Variants in SP140 observed in about 807,000 individuals in gnomAD.
SP140 encodes the protein SP140 nuclear body protein.
Under a neutral mutation model 125.0 loss-of-function variants are expected in SP140, and 81 were observed. The observed-to-expected ratio is 0.65, with a 90% CI of 0.54 to 0.78. The LOEUF (loss-of-function observed/expected upper bound fraction) is 0.78. Among genes scored for constraint, SP140 ranks in the 30% least tolerant of loss-of-function variants. The pLI is 0.00. For missense variants in SP140, 858 were observed against 1,037.0 expected (o/e 0.83, Z 2.37); for synonymous variants, 312 against 354.0 (o/e 0.88, Z 1.33).
chr2:230,254,759 A>C (rs1424282411), intron 11 of SP140, among the ~76,000 whole-genome samples: 1 of 152,232 alleles, frequency 6.6e-6, no homozygotes, highest in African/African-American at 2.4e-5. Flanking sequence ...GGATTAGAAG[A>C]GTTATCCTTC....
At chr2:230,267,248 C>A (rs573633090) in intron 12 of SP140, among the ~76,000 whole-genome samples, 1 of 152,256 alleles carries the variant, frequency 6.6e-6, no homozygotes, top group South Asian at 2.1e-4. Context: ...TTGTTTATTG[C>A]TTGCAGACCT....
chr2:230,210,400 G>A (rs562796573), intron 1 of SP140, among the ~76,000 whole-genome samples: 37 of 152,300 alleles, frequency 2.4e-4, no homozygotes, highest in African/African-American at 7.9e-4. Flanking sequence ...AGCTGAGAGC[G>A]GAAAGTGGTG....
At chr2:230,284,033 C>G (rs1409531596) in intron 15 of SP140, among the ~76,000 whole-genome samples, 1 of 152,134 alleles carries the variant, frequency 6.6e-6, no homozygotes, top group African/African-American at 2.4e-5. Context: ...ACAACAAACA[C>G]TTGAAAAAGC....
chr2:230,250,084 A>G (rs56334214), intron 9 of SP140, among the ~76,000 whole-genome samples: 17,908 of 151,958 alleles, frequency 0.12, 1,273 homozygotes, highest in South Asian at 0.2. Flanking sequence ...GGAAACCAAC[A>G]CCTCCTCCGA....
chr2:230,250,482 C>T (rs1000472335), intron 9 of SP140, among the ~76,000 whole-genome samples: 1 of 152,154 alleles, frequency 6.6e-6, no homozygotes. Context: ...GCCCACTCTT[C>T]TCCTGATCCC....
At chr2:230,265,257 C>T (rs2149321223) in intron 12 of SP140, among the ~76,000 whole-genome samples, 1 of 152,166 alleles carries the variant, frequency 6.6e-6, no homozygotes, top group East Asian at 1.9e-4. Context: ...GGAAAGCTGG[C>T]AGTCACAGGT....
Position 230,283,602 on chromosome 2 carries a change from G to A in SP140, c.1499-744G>A, listed in dbSNP as rs916802766. Among the ~76,000 whole-genome samples, 3 of 152,324 alleles carry A rather than the reference G, an allele frequency of 2.0e-5. No individual in the cohort carries two copies. In the South Asian group the frequency reaches 6.2e-4, roughly 32 times the overall value. On this transcript the variant is annotated intron_variant, in intron 15 of 26. Coordinates refer to ENST00000392045, the MANE Select transcript of SP140 (RefSeq NM_007237.5). ...TGTCCTGGTCACTATCCAGGAAGGA[G>A]ATGATCCCTTTCTGGAGATTGCTCC...
At chr2:230,265,908 T>C (rs946929433) in intron 12 of SP140, among the ~76,000 whole-genome samples, 1 of 152,108 alleles carries the variant, frequency 6.6e-6, no homozygotes, top group Non-Finnish European at 1.5e-5. Context: ...AGAAAAGGAT[T>C]ATGATAAAGG....
At chr2:230,295,549 G>A (rs974060718) in intron 21 of SP140, among the ~76,000 whole-genome samples, 3 of 152,216 alleles carry the variant, frequency 2.0e-5, no homozygotes, top group Middle Eastern at 3.2e-3. Context: ...GCGACAAGGT[G>A]CAGTTGCCTC....
At chr2:230,218,766 T>C (rs554456887) in intron 3 of SP140, among the ~76,000 whole-genome samples, 1 of 152,350 alleles carries the variant, frequency 6.6e-6, no homozygotes, top group African/African-American at 2.4e-5. Context: ...ATCTCATATA[T>C]GACTGTTCAG....
At chr2:230,204,080 T>G (rs1431113035) in intron 1 of SP140, among the ~76,000 whole-genome samples, 1 of 152,210 alleles carries the variant, frequency 6.6e-6, no homozygotes, top group Non-Finnish European at 1.5e-5. Flanking sequence ...ACATTTAAAA[T>G]AAAACGATTC....
At chr2:230,311,087 T>C in intron 24 of SP140, 67 bp from the exon 25 acceptor site, 1 of 1,610,552 alleles carries the variant, frequency 6.2e-7, no homozygotes, top group East Asian at 2.2e-5. Context: ...AGTTCTGTGC[T>C]GTGTCTCATG....
intron 21 of SP140, 61 bp downstream of exon 21, chr2:230,294,379 T>C: frequency 7.7e-7 from 1 of 1,294,362 alleles, no homozygotes; most frequent in Non-Finnish European, 1.1e-6. Flanking sequence ...ATGCACAAAA[T>C]CTTATTTTAT....
chr2:230,216,375 T>G (rs766820543), intron 3 of SP140, among the ~76,000 whole-genome samples: 8 of 152,070 alleles, frequency 5.3e-5, no homozygotes, highest in Non-Finnish European at 1.0e-4. Context: ...TGAAAACATA[T>G]CAGAGTGATG....
chr2:230,209,387 A>G (rs2044221276), intron 1 of SP140, among the ~76,000 whole-genome samples: 1 of 152,106 alleles, frequency 6.6e-6, no homozygotes, highest in Non-Finnish European at 1.5e-5. Context: ...AATGACAGAA[A>G]AGCAGCTTTT....
chr2:230,297,538 G>A (rs746887089), intron 22 of SP140, 76 bp downstream of exon 22: 16 of 1,523,698 alleles, frequency 1.1e-5, no homozygotes, highest in Admixed American at 1.0e-4. Flanking sequence ...TGTCATGACT[G>A]CTGTTGCCTG....
intron 12 of SP140, among the ~76,000 whole-genome samples, chr2:230,267,989 T>C (rs1395590540): frequency 1.3e-5 from 2 of 152,194 alleles, no homozygotes; most frequent in African/African-American, 2.4e-5. Context: ...CTGGCTTGAA[T>C]TGAGGACTTA....
rs2048197688 is a variant in SP140 at position 230,237,811 on chromosome 2, GC to G, written c.238-399del. Among the ~76,000 whole-genome samples, 1 of 133,692 alleles carries G rather than the reference GC, an allele frequency of 7.5e-6. No homozygotes were observed. The highest frequency in any genetic ancestry group is 2.1e-4 in the East Asian group (1 of 4,878). The allele number at this position is 133,692 out of a possible 152,430, so 87.7% of individuals were successfully genotyped here. ...CTTCTTGTCTTTGTGAATTTTCTGT[GC>G]CCTTTGGCCAGGAGTCATAGTGGGG... On this transcript the variant is annotated intron_variant, in intron 2 of 26. Coordinates refer to ENST00000392045, the MANE Select transcript of SP140 (RefSeq NM_007237.5). This position sits in a 1 kb window ranked among gnomAD's most constrained non-coding sequence, Gnocchi z 5.4.
At chr2:230,285,881 AT>A in intron 17 of SP140, 49 bp downstream of exon 17, 1 of 1,385,736 alleles carries the variant, frequency 7.2e-7, no homozygotes, top group Non-Finnish European at 1.0e-6. Context: ...GTCAATACAA[AT>A]TTTACTGAGG....
Sources: gnomAD v4.1 joint callset for allele counts (sites outside exome capture counted in the v4.1 genomes callset) on GRCh38, gnomAD v4.1.1 for gene constraint, Gnocchi (gnomAD v3.1) non-coding constraint, MANE v1.5 for transcripts, NCBI Gene and HGNC (gene_info 2026-07-23, HGNC 2026-07-21) for gene names.